Variants in ARHGEF38 observed in about 807,000 individuals in gnomAD.
ARHGEF38 encodes the protein Rho guanine nucleotide exchange factor 38.
ARHGEF38 carries 79 observed loss-of-function variants against 79.9 expected under a neutral mutation model. That is an observed-to-expected ratio of 0.99 (90% CI 0.82 to 1.19). The LOEUF is 1.19. ARHGEF38 is among the 50% of genes most tolerant of loss of function. ARHGEF38 has a pLI of 0.00. For synonymous variants in ARHGEF38, 366 were observed against 328.3 expected (o/e 1.11, Z -1.24); for missense variants, 962 against 907.2 (o/e 1.06, Z -0.78).
chr4:105,659,044 C>G lies in ARHGEF38; in HGVS notation c.1234-10C>G. 2.6e-6 allele frequency: 4 copies of G among 1,519,510 alleles called. No individual in the cohort carries two copies. In the South Asian group the frequency reaches 3.7e-5, roughly 14 times the overall value. The allele number at this position is 1,519,510 out of a possible 1,614,324, so 94.1% of individuals were successfully genotyped here. A position where few individuals can be genotyped will look rare whatever the true frequency, so the allele number is the denominator to read the frequency against. On this transcript the variant is annotated splice_polypyrimidine_tract_variant and intron_variant, in intron 9 of 13. Coordinates refer to ENST00000420470, the MANE Select transcript of ARHGEF38 (RefSeq NM_001242729.2). The stretch of plus-strand genomic sequence containing the variant: ...TCTCTCTGAAATGGGCTCATTTTTT[C>G]TTTTGGCAGGCATCTCACTTACAGA...
At chr4:105,622,339 A>G (rs1269773422) in intron 3 of ARHGEF38, among the ~76,000 whole-genome samples, 1 of 152,168 alleles carries the variant, frequency 6.6e-6, no homozygotes, top group Non-Finnish European at 1.5e-5. Flanking sequence ...CCAGGAAGGA[A>G]TGTAAGAGTC....
At chr4:105,580,863 C>T (rs958117185) in intron 1 of ARHGEF38, among the ~76,000 whole-genome samples, 5 of 151,918 alleles carry the variant, frequency 3.3e-5, no homozygotes, top group Admixed American at 1.3e-4. Context: ...TTAGTAGAGG[C>T]GGGGTTTCAC....
At chr4:105,561,934 T>C (rs562643435) in intron 1 of ARHGEF38, among the ~76,000 whole-genome samples, 14 of 152,240 alleles carry the variant, frequency 9.2e-5, no homozygotes, top group African/African-American at 3.1e-4. Flanking sequence ...GAAAAGTGAC[T>C]AGGAAATACA....
chr4:105,582,882 A>G (rs1726863543), intron 1 of ARHGEF38, among the ~76,000 whole-genome samples: 1 of 152,228 alleles, frequency 6.6e-6, no homozygotes, highest in Admixed American at 6.5e-5. Context: ...GGGACACTTT[A>G]TCACTATATA....
In ARHGEF38 at chr4:105,667,530, G is replaced by A; in HGVS notation, c.1975G>A (p.Asp659Asn). ...QKVDAENRFC[D>N]DDFENISLFV... ...AGTGGATGCTGAGAACAGGTTCTGTGACGATGATTTTGAGAACATCAGCCT... is the reference window on the plus strand; with the variant it reads ...AGTGGATGCTGAGAACAGGTTCTGTAACGATGATTTTGAGAACATCAGCCT... The change falls in exon 13 of 14, where the codon GAC becomes AAC. Residue 659 changes from aspartate (D) to asparagine (N), a missense_variant. Coordinates refer to ENST00000420470, the MANE Select transcript of ARHGEF38 (RefSeq NM_001242729.2). The A allele has an allele frequency of 6.5e-7, 1 of 1,536,606 alleles. No homozygotes were observed. The highest frequency in any genetic ancestry group is 1.2e-5 in the South Asian group (1 of 84,060).
intron 13 of ARHGEF38, among the ~76,000 whole-genome samples, chr4:105,670,351 C>T (rs1435335966): frequency 6.6e-6 from 1 of 152,052 alleles, no homozygotes; most frequent in Non-Finnish European, 1.5e-5. Context: ...GAGGTGGTAT[C>T]TCTCTGGGGT....
chr4:105,573,757 C>CA (rs144542415), intron 1 of ARHGEF38, among the ~76,000 whole-genome samples: 11 of 148,716 alleles, frequency 7.4e-5, no homozygotes, highest in East Asian at 1.9e-4. Flanking sequence ...TTTATTTCTA[C>CA]AAAAAAAAAT....
chr4:105,619,733 T>C (rs983885198), intron 3 of ARHGEF38, among the ~76,000 whole-genome samples: 6 of 152,168 alleles, frequency 3.9e-5, no homozygotes, highest in African/African-American at 7.2e-5. Flanking sequence ...AGCAGCCCTA[T>C]GTGACTGGAG....
At position 105,559,336 on chromosome 4, in the gene ARHGEF38, T is replaced by C. The variant is rs1725406480; in HGVS notation, c.196+6375T>C. On this transcript the variant is annotated intron_variant, in intron 1 of 13. Coordinates refer to ENST00000420470, the MANE Select transcript of ARHGEF38 (RefSeq NM_001242729.2). Reference sequence around the variant, plus strand: ...TTGGACCGCTTCTTATCCCATGCTCTCAAGGGCAGACTGTGGTTGCTGGTG... The same window carrying C: ...TTGGACCGCTTCTTATCCCATGCTCCCAAGGGCAGACTGTGGTTGCTGGTG... Among the ~76,000 whole-genome samples, 4 of 152,256 alleles carry C rather than the reference T, an allele frequency of 2.6e-5. No homozygotes were observed. The South Asian group carries it at 8.3e-4, about 32-fold the overall frequency.
Position 105,667,317 on chromosome 4 carries a change from G to A in ARHGEF38, c.1878G>A (p.Val626=), listed in dbSNP as rs1730787587. ...TGGGGAGTACAAGCAGGTGGCTTGTGGACACAGGAAGTAAGTTTTTCCCCA... is the reference window on the plus strand; with the variant it reads ...TGGGGAGTACAAGCAGGTGGCTTGTAGACACAGGAAGTAAGTTTTTCCCCA... The part of the protein sequence containing the change: ...DPLGSTSRWL[V]DTGNVKGYVY... Residue 626 remains valine, a synonymous_variant, in exon 12 of 14, where the codon GTG becomes GTA. Transcript: ENST00000420470. 6.5e-7 allele frequency: 1 copy of A among 1,535,700 alleles called. No individual in the cohort carries two copies. The highest frequency in any genetic ancestry group is 2.0e-5 in the Admixed American group (1 of 50,934).
At chr4:105,659,476 G>A in intron 10 of ARHGEF38, 111 bp downstream of exon 10, 1 of 1,079,356 alleles carries the variant, frequency 9.3e-7, no homozygotes, top group Non-Finnish European at 1.3e-6. Flanking sequence ...CGTGTGGTGT[G>A]TGTGTATTTA....
intron 2 of ARHGEF38, among the ~76,000 whole-genome samples, chr4:105,594,782 A>G (rs1273002735): frequency 6.6e-6 from 1 of 152,194 alleles, no homozygotes; most frequent in Non-Finnish European, 1.5e-5. Flanking sequence ...TCAGACCTTT[A>G]CCGAACTGAT....
At chr4:105,587,094 T>C (rs1223341023) in intron 1 of ARHGEF38, among the ~76,000 whole-genome samples, 1 of 152,198 alleles carries the variant, frequency 6.6e-6, no homozygotes, top group Non-Finnish European at 1.5e-5. Flanking sequence ...GATTGTAACT[T>C]GCTTTTTCAA....
At chr4:105,615,202 A>G (rs894628417) in intron 3 of ARHGEF38, among the ~76,000 whole-genome samples, 14 of 152,208 alleles carry the variant, frequency 9.2e-5, no homozygotes, top group African/African-American at 3.4e-4. Flanking sequence ...AGTGCAGAGT[A>G]GGGACTGGCA....
chr4:105,553,119 A>G (rs1432119624), intron 1 of ARHGEF38, among the ~76,000 whole-genome samples, 158 bp downstream of exon 1: 1 of 151,988 alleles, frequency 6.6e-6, no homozygotes, highest in Non-Finnish European at 1.5e-5. Context: ...TGACCTATAA[A>G]TTATAGGGAA....
Position 105,645,070 on chromosome 4 carries a change from G to C in ARHGEF38, c.675-118G>C, listed in dbSNP as rs1729778972. 3.7e-6 allele frequency: 3 copies of C among 810,108 alleles called. No homozygotes were observed. The Admixed American group carries it at 1.2e-4, about 31-fold the overall frequency. 50.2% of individuals were successfully genotyped at this position (810,108 alleles called of 1,614,324 possible). On this transcript the variant is annotated intron_variant, in intron 5 of 13. Transcript: ENST00000420470. ...CTCTTGCTTTTATTTAGAAATTTTA[G>C]ATATACAAATGAAAAAAAGAGAAAA...
intron 2 of ARHGEF38, among the ~76,000 whole-genome samples, chr4:105,604,593 G>A (rs1203422960): frequency 6.6e-6 from 1 of 151,910 alleles, no homozygotes; most frequent in Non-Finnish European, 1.5e-5. Flanking sequence ...ATTAAGTCTG[G>A]AAAAAAATGG....
intron 6 of ARHGEF38, among the ~76,000 whole-genome samples, 198 bp from the exon 7 acceptor site, chr4:105,648,351 C>G (rs1729943306): frequency 6.6e-6 from 1 of 151,914 alleles, no homozygotes; most frequent in South Asian, 2.1e-4. Flanking sequence ...GTCCTTGTTT[C>G]TGGAGGTCAG....
rs59437354 is a variant in ARHGEF38 at position 105,561,400 on chromosome 4, T to TAGAAAATAGAATGGAATAGAATAGAATAG, written c.196+8440_196+8441insGAAAATAGAATGGAATAGAATAGAATAGA. On this transcript the variant is annotated intron_variant, in intron 1 of 13. Coordinates refer to ENST00000420470, the MANE Select transcript of ARHGEF38 (RefSeq NM_001242729.2). ...CTGGAGTCTCAAAAATAGAGTAGAATAATAGAATAGAATAGAATAGAATGG... is the reference window on the plus strand; with the variant it reads ...CTGGAGTCTCAAAAATAGAGTAGAATAGAAAATAGAATGGAATAGAATAGAATAGAATAGAATAGAATAGAATAGAATGG... Among the ~76,000 whole-genome samples, 7 of 30,184 alleles carry TAGAAAATAGAATGGAATAGAATAGAATAG rather than the reference T, an allele frequency of 2.3e-4. 1 individual carries two copies. The highest frequency in any genetic ancestry group is 8.7e-4 in the African/African-American group (7 of 8,092). The allele number at this position is 30,184 out of a possible 152,430, so 19.8% of individuals were successfully genotyped here.
Sources: gnomAD v4.1 joint callset for allele counts (sites outside exome capture counted in the v4.1 genomes callset) on GRCh38, gnomAD v4.1.1 for gene constraint, MANE v1.5 for transcripts, NCBI Gene and HGNC (gene_info 2026-07-23, HGNC 2026-07-21) for gene names.